Variants in LRP1B observed in about 807,000 individuals in gnomAD.
The protein encoded by LRP1B is low-density lipoprotein receptor-related protein 1B.
Under a neutral mutation model 556.6 loss-of-function variants are expected in LRP1B, and 217 were observed. That is an observed-to-expected ratio of 0.39 (90% CI 0.35 to 0.44). LRP1B has a LOEUF of 0.44. Ranked by LOEUF, LRP1B falls within the 20% of genes least tolerant of loss-of-function variation. LRP1B has a pLI of 1.00. For missense variants in LRP1B, 5,053 were observed against 5,620.8 expected, an observed-to-expected ratio of 0.90 and a Z score of 3.23; for synonymous variants, 2,047 against 1,865.8, an observed-to-expected ratio of 1.10 and a Z score of -2.50.
intron 35 of LRP1B, among the ~76,000 whole-genome samples, chr2:140,718,404 A>G (rs13419407): frequency 0.48 from 73,092 of 151,580 alleles, 18,795 homozygotes; most frequent in Non-Finnish European, 0.59. Context: ...TTCTTTCAAT[A>G]CATATCTATT....
At chr2:142,016,012 A>AAAAAAAAAAAAAT (rs1559023425) in intron 1 of LRP1B, among the ~76,000 whole-genome samples, 3 of 149,330 alleles carry the variant, frequency 2.0e-5, no homozygotes, top group Admixed American at 1.3e-4. Context: ...AAAAAAAAAA[A>AAAAAAAAAAAAAT]GTGGGTGAAG....
At chr2:140,521,780 A>G (rs1420401791) in intron 49 of LRP1B, among the ~76,000 whole-genome samples, 1 of 152,092 alleles carries the variant, frequency 6.6e-6, no homozygotes, top group Non-Finnish European at 1.5e-5. Flanking sequence ...CAAGAGATCT[A>G]TCTGACATAA....
chr2:140,838,799 A>T (rs983082730), intron 31 of LRP1B, among the ~76,000 whole-genome samples: 4 of 152,196 alleles, frequency 2.6e-5, no homozygotes, highest in African/African-American at 9.6e-5. Context: ...CCCTGTAACA[A>T]TTTTTGCTTC....
intron 41 of LRP1B, among the ~76,000 whole-genome samples, chr2:140,622,905 T>A (rs1351566511): frequency 1.3e-5 from 2 of 152,024 alleles, no homozygotes; most frequent in Non-Finnish European, 2.9e-5. Flanking sequence ...TATCTTCAAT[T>A]ACTAACTATA....
intron 2 of LRP1B, 114 bp from the exon 3 acceptor site, chr2:141,480,647 G>A: frequency 9.9e-7 from 1 of 1,008,396 alleles, no homozygotes; most frequent in South Asian, 1.3e-5. Context: ...AGAAAATACT[G>A]TAAGAGTGCT....
intron 2 of LRP1B, among the ~76,000 whole-genome samples, chr2:141,678,177 C>T (rs1690960094): frequency 6.6e-6 from 1 of 152,040 alleles, no homozygotes; most frequent in Non-Finnish European, 1.5e-5. Context: ...GGAATATAAA[C>T]CTGAGTATTA....
rs555119315 is a variant in LRP1B at position 140,359,492 on chromosome 2, T to C, written c.11132-546A>G. ...TATTCATCTTTAAAGTACATGTTTT[T>C]GTGTGTATTTAAAAAGACCACAATG... On this transcript the variant is annotated intron_variant, in intron 72 of 90. Coordinates refer to ENST00000389484, the MANE Select transcript of LRP1B (RefSeq NM_018557.3). Among the ~76,000 whole-genome samples the C allele has an allele frequency of 5.4e-4, 82 of 151,818 alleles. 1 individual carries two copies. The highest frequency in any genetic ancestry group is 1.9e-3 in the African/African-American group (78 of 41,516).
At chr2:141,864,156 T>G (rs1698333561) in intron 1 of LRP1B, among the ~76,000 whole-genome samples, 1 of 152,204 alleles carries the variant, frequency 6.6e-6, no homozygotes, top group Non-Finnish European at 1.5e-5. Flanking sequence ...GTCCTGAGTA[T>G]AAATGATGAG....
intron 1 of LRP1B, among the ~76,000 whole-genome samples, chr2:141,962,488 G>T (rs1253580850): frequency 6.6e-6 from 1 of 151,726 alleles, no homozygotes; most frequent in Admixed American, 6.6e-5. Context: ...ACATTGCACT[G>T]GATTAGACTG....
intron 18 of LRP1B, among the ~76,000 whole-genome samples, chr2:140,978,703 C>A: frequency 6.6e-6 from 1 of 152,150 alleles, no homozygotes; most frequent in East Asian, 1.9e-4. Flanking sequence ...GCCTACTAGA[C>A]TTTGTCAGCT....
At chr2:142,035,811 C>G (rs1278249854) in intron 1 of LRP1B, among the ~76,000 whole-genome samples, 12 of 151,670 alleles carry the variant, frequency 7.9e-5, no homozygotes, top group African/African-American at 2.7e-4. Flanking sequence ...GAAATCTCAA[C>G]GTGAATTGTA....
At chr2:141,675,900 T>C (rs1690856905) in intron 2 of LRP1B, among the ~76,000 whole-genome samples, 1 of 151,964 alleles carries the variant, frequency 6.6e-6, no homozygotes, top group Non-Finnish European at 1.5e-5. Flanking sequence ...TTTATTTTAG[T>C]TTTGAACATA....
intron 10 of LRP1B, among the ~76,000 whole-genome samples, chr2:141,050,078 A>G (rs960144438): frequency 9.2e-5 from 14 of 151,968 alleles, no homozygotes; most frequent in African/African-American, 3.1e-4. Context: ...ATATACAAGG[A>G]AAAACATACT....
Position 140,860,696 on chromosome 2 carries a change from G to T in LRP1B, c.4579+6894C>A, listed in dbSNP as rs1291737141. ...TTTTTTTTTAATTCCAATTAGAGCA[G>T]CTAAGGAAAGAAACACAAAAGAAAA... is the stretch of plus-strand genomic sequence containing the variant. On this transcript the variant is annotated intron_variant, in intron 27 of 90. Coordinates refer to ENST00000389484, the MANE Select transcript of LRP1B (RefSeq NM_018557.3). Among the ~76,000 whole-genome samples the T allele has an allele frequency of 2.0e-5, 3 of 151,558 alleles. 1 individual carries two copies. Among genetic ancestry groups the T allele is most frequent in the Admixed American group, 2.0e-4 (3 of 15,224 alleles).
intron 2 of LRP1B, among the ~76,000 whole-genome samples, chr2:141,636,157 A>T (rs1216128812): frequency 6.6e-6 from 1 of 152,190 alleles, no homozygotes; most frequent in African/African-American, 2.4e-5. Flanking sequence ...CTTAATATCC[A>T]CTTATAAAAA....
intron 2 of LRP1B, among the ~76,000 whole-genome samples, chr2:141,532,793 C>A (rs1302292432): frequency 6.6e-6 from 1 of 152,032 alleles, no homozygotes; most frequent in African/African-American, 2.4e-5. Flanking sequence ...TGAGAACAGC[C>A]TGGCCAAAAT....
chr2:141,355,323 C>A (rs1370378177), intron 3 of LRP1B, among the ~76,000 whole-genome samples: 1 of 151,940 alleles, frequency 6.6e-6, no homozygotes, highest in Non-Finnish European at 1.5e-5. Flanking sequence ...AATTCACATA[C>A]CTTAATATCC....
intron 35 of LRP1B, among the ~76,000 whole-genome samples, chr2:140,738,327 C>T (rs188036225): frequency 1.4e-3 from 207 of 152,080 alleles, no homozygotes; most frequent in African/African-American, 4.8e-3. Context: ...GGCAGGTGGT[C>T]GGTGGGTGGG....
At chr2:140,847,763 T>C (rs74778792) in intron 29 of LRP1B, among the ~76,000 whole-genome samples, 1 of 49,118 alleles carries the variant, frequency 2.0e-5, no homozygotes, top group African/African-American at 5.6e-5. Context: ...AGACTGCATC[T>C]AAAAAAAAAA....
Sources: allele counts gnomAD v4.1 joint callset (sites outside exome capture counted in the v4.1 genomes callset), GRCh38; gene constraint gnomAD v4.1.1; transcripts MANE v1.5; gene names NCBI Gene and HGNC (gene_info 2026-07-23, HGNC 2026-07-21).